The following RFPL2 variants were observed in gnomAD, a reference collection of about 807,000 sequenced individuals.
RFPL2 encodes ret finger protein like 2.
In RFPL2, 13 loss-of-function variants were observed where a neutral mutation model predicts 17.8. The observed-to-expected ratio is 0.73, with a 90% confidence interval of 0.47 to 1.16. The LOEUF (loss-of-function observed/expected upper bound fraction) is 1.16. Ranked by LOEUF, RFPL2 falls within the 50% of genes most tolerant of loss-of-function variation. The probability of loss-of-function intolerance (pLI) is 0.00; values close to 1 mark genes in which losing one functional copy is unlikely to be tolerated. For synonymous variants in RFPL2, 189 were observed against 180.9 expected (o/e 1.04, Z -0.36); for missense variants, 431 against 479.3 (o/e 0.90, Z 0.94).
At chr22:32,201,840 G>T (rs897022809) in intron 2 of RFPL2, among the ~76,000 whole-genome samples, 1 of 152,198 alleles carries the variant, frequency 6.6e-6, no homozygotes. Flanking sequence ...CACTGTGGGT[G>T]GGGCCAGGGA....
chr22:32,201,290 G>A lies in RFPL2; in HGVS notation c.119+1043C>T, dbSNP rs138294330. ...CCTGACCTCGTGATCTGCCTGCCTCGGCCTCCCAAAGTGCTGGGATTACAG... is the reference window on the plus strand; with the variant it reads ...CCTGACCTCGTGATCTGCCTGCCTCAGCCTCCCAAAGTGCTGGGATTACAG... On this transcript the variant is annotated intron_variant, in intron 2 of 4. Coordinates refer to ENST00000652607, the MANE Select transcript of RFPL2 (RefSeq NM_001394555.1). 1.7e-3 allele frequency among the ~76,000 whole-genome samples: 253 copies of A among 152,156 alleles called. 2 individuals are homozygous for A. Among genetic ancestry groups the A allele is most frequent in the African/African-American group, 5.7e-3 (238 of 41,510 alleles).
At chr22:32,202,691 C>T in intron 1 of RFPL2, 141 bp from the exon 2 acceptor site, 2 of 1,333,438 alleles carry the variant, frequency 1.5e-6, no homozygotes, top group South Asian at 3.6e-5. Context: ...TGGCCAGGAA[C>T]TGCGGCCTGG....
In RFPL2 at chr22:32,193,001, G is replaced by T. The variant is rs759823818; in HGVS notation, c.457C>A (p.Arg153Ser). The T allele has an allele frequency of 5.0e-6, 8 of 1,614,132 alleles. No individual in the cohort carries two copies. In the South Asian group the frequency reaches 8.8e-5, roughly 18 times the overall value. ...SMVSRKNKIR[R>S]NRQLERLASH... The stretch of plus-strand genomic sequence containing the variant: ...GCCAGCCTCTCTAGCTGCCGATTGC[G>T]CCTGATTTTGTTCTTCCGAGAGACC... The change falls in exon 4 of 5, where the codon CGC becomes AGC. Residue 153 changes from arginine to serine, a missense_variant. Transcript: ENST00000652607.
In RFPL2 at chr22:32,202,800, ACT is replaced by A. The variant is rs570988856; in HGVS notation, c.-99-252_-99-251del. On this transcript the variant is annotated intron_variant, in intron 1 of 4. Transcript: ENST00000652607. Reference sequence around the variant, plus strand: ...TCCTCGGGAAGCAGGAGCAGCAGAAACTCAACCCCAGCCAGCCCTCCCCACCC... The same window carrying A: ...TCCTCGGGAAGCAGGAGCAGCAGAAACAACCCCAGCCAGCCCTCCCCACCC... The A allele has an allele frequency of 2.6e-5, 28 of 1,064,362 alleles. No individual in the cohort carries two copies. The South Asian group carries it at 7.0e-4, about 27-fold the overall frequency. 65.9% of individuals were successfully genotyped at this position (1,064,362 alleles called of 1,614,324 possible).
At chr22:32,200,556 C>CTCTCTCTCCAT (rs1269188958) in intron 2 of RFPL2, among the ~76,000 whole-genome samples, 1 of 151,938 alleles carries the variant, frequency 6.6e-6, no homozygotes, top group African/African-American at 2.4e-5. Flanking sequence ...CATTGAACAC[C>CTCTCTCTCCAT]TCTCTCTCCA....
At chr22:32,193,279 A>G in intron 3 of RFPL2, 87 bp from the exon 4 acceptor site, 2 of 1,609,290 alleles carry the variant, frequency 1.2e-6, no homozygotes, top group Non-Finnish European at 1.7e-6. Flanking sequence ...TTTCATGCAT[A>G]GAGGTATTGT....
intron 2 of RFPL2, chr22:32,200,248 G>A (rs570837919): frequency 1.5e-4 from 42 of 275,322 alleles, no homozygotes; most frequent in Admixed American, 1.2e-3. Context: ...CCTGACCCTC[G>A]CCCCACCCAT....
rs766727004 is a variant in RFPL2 at position 32,194,430 on chromosome 22, A to G, written c.180T>C (p.Asn60=). Residue 60 remains asparagine (N), a synonymous_variant, in exon 3 of 5, where the codon AAT becomes AAC. Coordinates refer to ENST00000652607, the MANE Select transcript of RFPL2 (RefSeq NM_001394555.1). The part of the protein sequence containing the change: ...RDPVGGGNLT[N]KRPSCAPSPQ... ...GGGAAGGGGCACACGAGGGCCTTTTATTGGTGAGATTCCCACCTCCCACTG... is the reference window on the plus strand; with the variant it reads ...GGGAAGGGGCACACGAGGGCCTTTTGTTGGTGAGATTCCCACCTCCCACTG... 1.2e-6 allele frequency: 2 copies of G among 1,611,408 alleles called. No homozygotes were observed. The highest frequency in any genetic ancestry group is 1.7e-6 in the Non-Finnish European group (2 of 1,179,320).
chr22:32,199,800 C>G (rs1374267794), intron 2 of RFPL2: 10 of 337,284 alleles, frequency 3.0e-5, no homozygotes, highest in Non-Finnish European at 4.6e-5. Context: ...CACTGTGGAC[C>G]ATGTCTGAGG....
intron 1 of RFPL2, among the ~76,000 whole-genome samples, chr22:32,204,102 A>C: frequency 7.1e-6 from 1 of 140,664 alleles, no homozygotes; most frequent in Admixed American, 7.0e-5. Context: ...GCCCCCCGAT[A>C]GCACCCAACC....
At position 32,196,088 on chromosome 22, in the gene RFPL2, T is replaced by C. The variant is rs998517372; in HGVS notation, c.120-1598A>G. 4.4e-4 allele frequency among the ~76,000 whole-genome samples: 67 copies of C among 152,346 alleles called. 2 individuals are homozygous for C. The highest frequency in any genetic ancestry group is 3.4e-3 in the Middle Eastern group (1 of 294). ...TTCTGTGAGCTCAGCATTTTTCTTT[T>C]ACCTCCCATATAGGAGTGAGAACAT... On this transcript the variant is annotated intron_variant, in intron 2 of 4. Coordinates refer to ENST00000652607, the MANE Select transcript of RFPL2 (RefSeq NM_001394555.1).
chr22:32,195,464 C>CTT (rs67065908), intron 2 of RFPL2, among the ~76,000 whole-genome samples: 86 of 150,632 alleles, frequency 5.7e-4, no homozygotes, highest in Admixed American at 4.1e-3. Context: ...TTTCTTTTTT[C>CTT]TTTTTTTTTG....
Position 32,202,607 on chromosome 22 carries a change from G to T in RFPL2, c.-99-57C>A, listed in dbSNP as rs879117849. On this transcript the variant is annotated intron_variant, in intron 1 of 4. Transcript: ENST00000652607. ...GCGCACCTTGTCATGCTGGCCACTGGGTGGCAGGGGCCGGTTTCAGCGAAG... is the reference window on the plus strand; with the variant it reads ...GCGCACCTTGTCATGCTGGCCACTGTGTGGCAGGGGCCGGTTTCAGCGAAG... The T allele has an allele frequency of 2.1e-6, 3 of 1,426,652 alleles. No homozygotes were observed. In the South Asian group the frequency reaches 4.6e-5, roughly 22 times the overall value. 88.4% of individuals were successfully genotyped at this position (1,426,652 alleles called of 1,614,324 possible). A position where few individuals can be genotyped will look rare whatever the true frequency, so the allele number is the denominator to read the frequency against.
rs779821935 is a variant in RFPL2 at position 32,191,170 on chromosome 22, C to T, written c.739G>A (p.Val247Met). The change falls in exon 5 of 5, where the codon GTG becomes ATG. Residue 247 changes from valine (V) to methionine (M), a missense_variant. Physicochemically the swap from Val to Met is conservative, Grantham distance 21 (BLOSUM62 1). Transcript: ENST00000652607. ...TCGRHCWEVD[V>M]GTSTEWDLGV... ...AGGTCCCATTCTGTGCTTGTTCCCA[C>T]GTCCACCTCCCAGCAGTGGCGGCCA... 1.9e-5 allele frequency: 31 copies of T among 1,613,822 alleles called. No individual in the cohort carries two copies. In the Admixed American group the frequency reaches 3.7e-4, roughly 19 times the overall value.
intron 4 of RFPL2, among the ~76,000 whole-genome samples, chr22:32,192,429 T>C (rs1191257916): frequency 6.6e-6 from 1 of 152,228 alleles, no homozygotes; most frequent in Non-Finnish European, 1.5e-5. Flanking sequence ...TTCCCAACTC[T>C]TCCCAACCCT....
At chr22:32,204,140 C>T (rs950386619) in intron 1 of RFPL2, among the ~76,000 whole-genome samples, 1 of 143,654 alleles carries the variant, frequency 7.0e-6, no homozygotes, top group Admixed American at 7.0e-5. Flanking sequence ...CACTGGCAGT[C>T]CGCCCCGATA....
intron 2 of RFPL2, among the ~76,000 whole-genome samples, chr22:32,197,358 T>G (rs990045997): frequency 1.3e-5 from 2 of 152,074 alleles, no homozygotes; most frequent in Non-Finnish European, 2.9e-5. Context: ...AGCTTTTCTT[T>G]CCTCACACCC....
At chr22:32,199,605 C>G (rs1389209149) in intron 2 of RFPL2, among the ~76,000 whole-genome samples, 11 of 152,206 alleles carry the variant, frequency 7.2e-5, no homozygotes, top group Non-Finnish European at 4.4e-5. Flanking sequence ...GAGAACACAG[C>G]CAGAGCCGGA....
intron 2 of RFPL2, among the ~76,000 whole-genome samples, chr22:32,201,974 A>T (rs563876798): frequency 6.6e-6 from 1 of 152,292 alleles, no homozygotes; most frequent in South Asian, 2.1e-4. Flanking sequence ...TCTCCCAGGT[A>T]TGGAAGTCAG....
Sources: gnomAD v4.1 joint callset for allele counts (sites outside exome capture counted in the v4.1 genomes callset) on GRCh38, gnomAD v4.1.1 for gene constraint, MANE v1.5 for transcripts, NCBI Gene and HGNC (gene_info 2026-07-23, HGNC 2026-07-21) for gene names.